The following ATP10A variants were observed in gnomAD, a reference collection of about 807,000 sequenced individuals.
ATP10A encodes ATPase phospholipid transporting 10A (putative).
Under a neutral mutation model 147.8 loss-of-function variants are expected in ATP10A, and 111 were observed. That is an observed-to-expected ratio of 0.75 (90% confidence interval 0.64 to 0.88). The LOEUF is 0.88. Ranked by LOEUF, ATP10A falls within the 40% of genes least tolerant of loss-of-function variation. ATP10A has a pLI of 0.00. For synonymous variants in ATP10A, 875 were observed against 841.6 expected, an observed-to-expected ratio of 1.04 and a Z score of -0.69; for missense variants, 1,927 against 1,959.0, an observed-to-expected ratio of 0.98 and a Z score of 0.31.
chr15:25,776,844 C>T (rs759000173), intron 2 of ATP10A, among the ~76,000 whole-genome samples: 7 of 152,136 alleles, frequency 4.6e-5, no homozygotes, highest in Non-Finnish European at 8.8e-5. Flanking sequence ...ATCTGACGGA[C>T]GTCATTCCCT....
chr15:25,755,949 T>A (rs929278506), intron 2 of ATP10A, among the ~76,000 whole-genome samples: 1 of 152,228 alleles, frequency 6.6e-6, no homozygotes, highest in Non-Finnish European at 1.5e-5. Flanking sequence ...CACTAGAAAC[T>A]TTTGCTTTGG....
chr15:25,681,116 G>A (rs773449641), intron 17 of ATP10A, 42 bp from the exon 18 acceptor site: 2 of 1,571,074 alleles, frequency 1.3e-6, no homozygotes, highest in Non-Finnish European at 1.7e-6. Context: ...GTGAAGCATT[G>A]GCATCCTCTG....
intron 10 of ATP10A, 48 bp from the exon 11 acceptor site, chr15:25,708,348 G>A: frequency 1.9e-6 from 3 of 1,539,290 alleles, no homozygotes; most frequent in Non-Finnish European, 2.7e-6. Flanking sequence ...GGCGCCTGTG[G>A]AATGGTCTTC....
In ATP10A at chr15:25,756,651, AAAAAG is replaced by A. The variant is rs752533012; in HGVS notation, c.655-20515_655-20511del. ...GAGCAAGACTCCATCTCAAATAAAA[AAAAAG>A]AAAGAAAGAAAGAAAGAAAAGTGAG... On this transcript the variant is annotated intron_variant, in intron 2 of 20. Coordinates refer to ENST00000555815, the MANE Select transcript of ATP10A (RefSeq NM_024490.4). Among the ~76,000 whole-genome samples the A allele has an allele frequency of 7.5e-3, 1,141 of 152,176 alleles. 10 individuals are homozygous for A. The highest frequency in any genetic ancestry group is 0.012 in the Non-Finnish European group (828 of 68,002).
At chr15:25,858,137 G>A (rs189431785) in intron 1 of ATP10A, among the ~76,000 whole-genome samples, 1 of 152,306 alleles carries the variant, frequency 6.6e-6, no homozygotes, top group African/African-American at 2.4e-5. Context: ...GAATGGCAAT[G>A]TGGAAATAAT....
chr15:25,761,428 G>A (rs1215121913), intron 2 of ATP10A, among the ~76,000 whole-genome samples: 2 of 152,204 alleles, frequency 1.3e-5, no homozygotes, highest in Non-Finnish European at 2.9e-5. Flanking sequence ...GAGGGCCACC[G>A]TCCTCCAGAC....
At chr15:25,788,646 G>A (rs1207453016) in intron 1 of ATP10A, among the ~76,000 whole-genome samples, 4 of 152,200 alleles carry the variant, frequency 2.6e-5, no homozygotes, top group African/African-American at 7.2e-5. Flanking sequence ...AATGAGCAGC[G>A]TGTTATATCT....
rs184762167 is a variant in ATP10A, at chr15:25,805,546, G to A, written c.450-24323C>T. Among the ~76,000 whole-genome samples, 218 of 152,258 alleles carry A rather than the reference G, an allele frequency of 1.4e-3. 1 individual carries two copies. Among genetic ancestry groups the A allele is most frequent in the Middle Eastern group, 6.8e-3 (2 of 294 alleles). On this transcript the variant is annotated intron_variant, in intron 1 of 20. Coordinates refer to ENST00000555815, the MANE Select transcript of ATP10A (RefSeq NM_024490.4). ...GGGAACTGAATGCACTAAAATCTAAGTAGGTCTCAGATAAAAGTCACAGTC... is the reference window on the plus strand; with the variant it reads ...GGGAACTGAATGCACTAAAATCTAAATAGGTCTCAGATAAAAGTCACAGTC...
At chr15:25,690,639 A>T (rs987492933) in intron 15 of ATP10A, among the ~76,000 whole-genome samples, 1 of 152,202 alleles carries the variant, frequency 6.6e-6, no homozygotes, top group Non-Finnish European at 1.5e-5. Context: ...TTTATTGAAA[A>T]ATGTCCCCAT....
At position 25,804,176 on chromosome 15, in the gene ATP10A, G is replaced by T. The variant is rs118201448; in HGVS notation, c.450-22953C>A. Reference sequence around the variant, plus strand: ...GTGTGATGTGAGGTGTTTGTGATGTGAGGCTGTGTTTGTATGTAGCTTGGT... The same window carrying T: ...GTGTGATGTGAGGTGTTTGTGATGTTAGGCTGTGTTTGTATGTAGCTTGGT... On this transcript the variant is annotated intron_variant, in intron 1 of 20. Transcript: ENST00000555815. Among the ~76,000 whole-genome samples the T allele has an allele frequency of 1.5e-3, 230 of 151,528 alleles. 3 individuals carry two copies. The highest frequency in any genetic ancestry group is 5.4e-3 in the African/African-American group (221 of 41,286).
At chr15:25,765,874 C>G (rs1013704220) in intron 2 of ATP10A, among the ~76,000 whole-genome samples, 4 of 152,228 alleles carry the variant, frequency 2.6e-5, no homozygotes, top group Non-Finnish European at 5.9e-5. Flanking sequence ...GGCCACCCTT[C>G]TGAGCACTCA....
intron 1 of ATP10A, among the ~76,000 whole-genome samples, chr15:25,798,555 G>A (rs1890792851): frequency 6.6e-6 from 1 of 152,184 alleles, no homozygotes. Context: ...AGCTCCTGGG[G>A]GCTTAGACAG....
At chr15:25,769,047 T>A (rs972384010) in intron 2 of ATP10A, among the ~76,000 whole-genome samples, 2 of 152,184 alleles carry the variant, frequency 1.3e-5, no homozygotes, top group African/African-American at 4.8e-5. Flanking sequence ...GTCCTGACAT[T>A]GCTTATTAGT....
intron 1 of ATP10A, among the ~76,000 whole-genome samples, chr15:25,840,397 T>C (rs1892762997): frequency 6.6e-6 from 1 of 152,156 alleles, no homozygotes; most frequent in African/African-American, 2.4e-5. Flanking sequence ...TTCTTTCTGT[T>C]CATAATTCTC....
At position 25,714,290 on chromosome 15, in the gene ATP10A, C is replaced by G. The variant is rs572090486; in HGVS notation, c.1777-49G>C. ...CAGGTGAGGGAACTGCTATGTCCCCCAGAGGCCCCACCCTGGTTCCCACAG... is the reference window on the plus strand; with the variant it reads ...CAGGTGAGGGAACTGCTATGTCCCCGAGAGGCCCCACCCTGGTTCCCACAG... On this transcript the variant is annotated intron_variant, in intron 9 of 20. Coordinates refer to ENST00000555815, the MANE Select transcript of ATP10A (RefSeq NM_024490.4). The G allele has an allele frequency of 8.3e-6, 13 of 1,561,400 alleles. No homozygotes were observed. The South Asian group carries it at 1.5e-4, about 18-fold the overall frequency.
chr15:25,856,621 A>G lies in ATP10A; in HGVS notation c.449+6027T>C, dbSNP rs369067644. Among the ~76,000 whole-genome samples the G allele has an allele frequency of 2.9e-4, 44 of 152,344 alleles. No individual in the cohort carries two copies. In the East Asian group the frequency reaches 6.6e-3, roughly 23 times the overall value. Reference sequence around the variant, plus strand: ...ATTTCCTATAATAAATTAGGACACCACCATTTGGCAACCTCTAACAAATCA... The same window carrying G: ...ATTTCCTATAATAAATTAGGACACCGCCATTTGGCAACCTCTAACAAATCA... On this transcript the variant is annotated intron_variant, in intron 1 of 20. Transcript: ENST00000555815.
intron 14 of ATP10A, among the ~76,000 whole-genome samples, chr15:25,693,340 G>A (rs1900137766): frequency 6.6e-6 from 1 of 152,076 alleles, no homozygotes; most frequent in African/African-American, 2.4e-5. Context: ...ATGTTCTTAT[G>A]GGTCATTACT....
chr15:25,703,773 AC>A lies in ATP10A; in HGVS notation c.2576-1674del, dbSNP rs1233558317. On this transcript the variant is annotated intron_variant, in intron 12 of 20. Coordinates refer to ENST00000555815, the MANE Select transcript of ATP10A (RefSeq NM_024490.4). Reference sequence around the variant, plus strand: ...CAGAACATCACCAGCACCCCAGAAGACCCCCTCAGGGGCAAGTGGCTGATCT... The same window carrying A: ...CAGAACATCACCAGCACCCCAGAAGACCCCTCAGGGGCAAGTGGCTGATCT... Among the ~76,000 whole-genome samples the A allele has an allele frequency of 1.2e-4, 18 of 152,080 alleles. No homozygotes were observed. In the East Asian group the frequency reaches 2.9e-3, roughly 24 times the overall value.
In ATP10A at chr15:25,863,065, G is replaced by C. The variant is rs1893848186; in HGVS notation, c.32C>G (p.Pro11Arg). MEREPAGTEE[P>R]GPPGRRRRRE... ...GCGCCTCCGCCGTCCCGGAGGCCCGGGCTCCTCGGTCCCCGCCGGCTCCCG... is the reference window on the plus strand; with the variant it reads ...GCGCCTCCGCCGTCCCGGAGGCCCGCGCTCCTCGGTCCCCGCCGGCTCCCG... Residue 11 changes from proline (P) to arginine (R), a missense_variant, in exon 1 of 21, where the codon CCC (proline) becomes CGC (arginine). Coordinates refer to ENST00000555815, the MANE Select transcript of ATP10A (RefSeq NM_024490.4). 7.3e-6 allele frequency: 9 copies of C among 1,240,302 alleles called. No homozygotes were observed. Among genetic ancestry groups the C allele is most frequent in the Non-Finnish European group, 4.0e-6 (4 of 995,096 alleles). The allele number at this position is 1,240,302 out of a possible 1,614,324, so 76.8% of individuals were successfully genotyped here.
Sources: allele counts gnomAD v4.1 joint callset (sites outside exome capture counted in the v4.1 genomes callset), GRCh38; gene constraint gnomAD v4.1.1; transcripts MANE v1.5; gene names NCBI Gene and HGNC (gene_info 2026-07-23, HGNC 2026-07-21).